RBM19: variants seen among roughly 807,000 people sequenced by gnomAD.
RBM19 encodes the protein RNA binding motif protein 19.
In RBM19, 94 loss-of-function variants were observed where a neutral mutation model predicts 116.8. The ratio of observed to expected loss-of-function variants is 0.80; its 90% CI spans 0.68 to 0.95. The LOEUF is 0.95. Ranked by LOEUF, RBM19 falls within the 40% of genes least tolerant of loss-of-function variation. The pLI, the probability that RBM19 is intolerant of heterozygous loss-of-function variation, is 0.00. For missense variants in RBM19, 1,161 were observed against 1,220.7 expected (o/e 0.95, Z 0.73); for synonymous variants, 475 against 494.1 (o/e 0.96, Z 0.51).
chr12:113,864,999 C>G (rs868167358), intron 21 of RBM19, among the ~76,000 whole-genome samples: 5 of 152,206 alleles, frequency 3.3e-5, no homozygotes, highest in African/African-American at 4.8e-5. Flanking sequence ...GCCTGGAGTT[C>G]TGTGTGTATG....
intron 23 of RBM19, among the ~76,000 whole-genome samples, chr12:113,824,888 T>C (rs1285679379): frequency 1.3e-5 from 2 of 151,984 alleles, no homozygotes; most frequent in Non-Finnish European, 2.9e-5. Context: ...CTCTAAAACA[T>C]GTGCGTCAGA....
chr12:113,871,428 A>G (rs1879195786), intron 21 of RBM19, among the ~76,000 whole-genome samples: 1 of 152,208 alleles, frequency 6.6e-6, no homozygotes, highest in African/African-American at 2.4e-5. Flanking sequence ...AGCAGCCACG[A>G]ATTAGACCAG....
intron 16 of RBM19, among the ~76,000 whole-genome samples, chr12:113,930,244 C>G (rs1869479055): frequency 6.6e-6 from 1 of 152,226 alleles, no homozygotes. Context: ...GTCCCAGAAC[C>G]CAGCCAGTGC....
intron 19 of RBM19, among the ~76,000 whole-genome samples, chr12:113,919,054 G>A (rs141676673): frequency 1.3e-5 from 2 of 152,122 alleles, no homozygotes; most frequent in South Asian, 4.1e-4. Flanking sequence ...CTTATATCGC[G>A]TGAAAGAGAA....
chr12:113,927,474 T>C (rs2244827), intron 16 of RBM19: 299,229 of 459,264 alleles, frequency 0.65, 100,873 homozygotes, highest in East Asian at 0.98. Context: ...AACACAGCCC[T>C]CAAATGGAGC....
At chr12:113,868,851 G>T (rs550296087) in intron 21 of RBM19, among the ~76,000 whole-genome samples, 1 of 152,326 alleles carries the variant, frequency 6.6e-6, no homozygotes, top group Non-Finnish European at 1.5e-5. Flanking sequence ...CTCTGACAGT[G>T]AGGGGCTGAA....
At chr12:113,916,976 C>T (rs1411765869) in intron 20 of RBM19, among the ~76,000 whole-genome samples, 1 of 152,216 alleles carries the variant, frequency 6.6e-6, no homozygotes, top group Admixed American at 6.5e-5. Context: ...GTTGCACTTG[C>T]CATATCTCAA....
At position 113,957,766 on chromosome 12, in the gene RBM19, C is replaced by A. The variant is rs2290786; in HGVS notation, c.840+16G>T. 6.4e-7 allele frequency: 1 copy of A among 1,555,896 alleles called. No homozygotes were observed. Among genetic ancestry groups the A allele is most frequent in the East Asian group, 2.3e-5 (1 of 44,312 alleles). On this transcript the variant is annotated intron_variant, in intron 6 of 23. Transcript: ENST00000261741. ...AGCGCACCTCCTCCCTCATCACCTG[C>A]GGGATACACACGCACCTCGGCTCTG...
At chr12:113,830,956 A>G (rs1875359228) in intron 23 of RBM19, among the ~76,000 whole-genome samples, 1 of 152,162 alleles carries the variant, frequency 6.6e-6, no homozygotes, top group Admixed American at 6.5e-5. Context: ...TCCAGATAGG[A>G]ATATGATGGC....
chr12:113,929,254 T>A (rs1869391822), intron 16 of RBM19, among the ~76,000 whole-genome samples: 1 of 152,228 alleles, frequency 6.6e-6, no homozygotes, highest in Non-Finnish European at 1.5e-5. Context: ...GCAAGCCTAA[T>A]GCTTTCAAGT....
At chr12:113,900,120 A>G (rs1484352059) in intron 21 of RBM19, among the ~76,000 whole-genome samples, 1 of 152,220 alleles carries the variant, frequency 6.6e-6, no homozygotes, top group Non-Finnish European at 1.5e-5. Context: ...AGTGAGGGAA[A>G]ACGCCAGCTG....
intron 13 of RBM19, 66 bp downstream of exon 13, chr12:113,945,762 C>G: frequency 7.4e-7 from 1 of 1,351,378 alleles, no homozygotes; most frequent in South Asian, 1.2e-5. Flanking sequence ...GTACAACGAG[C>G]CTCCTGCTCT....
At chr12:113,870,176 C>G (rs1288805324) in intron 21 of RBM19, among the ~76,000 whole-genome samples, 1 of 152,182 alleles carries the variant, frequency 6.6e-6, no homozygotes, top group Non-Finnish European at 1.5e-5. Flanking sequence ...TCAGAGTGAG[C>G]AGGCGATGGC....
intron 16 of RBM19, among the ~76,000 whole-genome samples, chr12:113,933,775 T>C (rs1869823132): frequency 6.6e-6 from 1 of 152,192 alleles, no homozygotes; most frequent in South Asian, 2.1e-4. Context: ...CTTCTATTAC[T>C]ACTTGTGACA....
intron 7 of RBM19, among the ~76,000 whole-genome samples, chr12:113,954,109 T>C (rs1871702045): frequency 6.6e-6 from 1 of 152,188 alleles, no homozygotes; most frequent in Non-Finnish European, 1.5e-5. Context: ...TAGCAGAGTA[T>C]ATTCAATATT....
chr12:113,947,757 A>T (rs557456541), intron 10 of RBM19, among the ~76,000 whole-genome samples: 1 of 152,356 alleles, frequency 6.6e-6, no homozygotes. Flanking sequence ...TCATGCGTGC[A>T]TAGTGCACTA....
intron 7 of RBM19, among the ~76,000 whole-genome samples, chr12:113,954,777 T>C (rs898530589): frequency 6.6e-6 from 1 of 152,224 alleles, no homozygotes; most frequent in Non-Finnish European, 1.5e-5. Flanking sequence ...TGAGACTGCT[T>C]CCTTGCTATA....
chr12:113,881,460 C>T (rs2043671052), intron 21 of RBM19, among the ~76,000 whole-genome samples: 1 of 152,130 alleles, frequency 6.6e-6, no homozygotes, highest in Non-Finnish European at 1.5e-5. Context: ...CCTGACTTCT[C>T]TACTTTTGGG....
intron 8 of RBM19, 119 bp from the exon 9 acceptor site, chr12:113,950,273 G>T: frequency 1.3e-6 from 1 of 775,804 alleles, no homozygotes; most frequent in Non-Finnish European, 2.1e-6. Flanking sequence ...CTCTACCTTG[G>T]TCAGATCTCC....
Sources: gnomAD v4.1 joint callset for allele counts (sites outside exome capture counted in the v4.1 genomes callset) on GRCh38, gnomAD v4.1.1 for gene constraint, MANE v1.5 for transcripts, NCBI Gene and HGNC (gene_info 2026-07-23, HGNC 2026-07-21) for gene names.